Variants in GBE1 observed in about 807,000 individuals in gnomAD.
The protein encoded by GBE1 is 1,4-alpha-glucan-branching enzyme.
GBE1 carries 70 observed loss-of-function variants against 88.8 expected under a neutral mutation model. The observed-to-expected ratio is 0.79, with a 90% CI of 0.65 to 0.96. GBE1 has a LOEUF of 0.96. Ranked by LOEUF, GBE1 falls within the 40% of genes least tolerant of loss-of-function variation. GBE1 has a pLI of 0.00. For missense variants in GBE1, 872 were observed against 871.0 expected (o/e 1.00, Z -0.01); for synonymous variants, 284 against 300.1 (o/e 0.95, Z 0.56).
At chr3:81,573,129 C>T (rs1466867702) in intron 12 of GBE1, among the ~76,000 whole-genome samples, 2 of 151,996 alleles carry the variant, frequency 1.3e-5, no homozygotes, top group African/African-American at 2.4e-5. Context: ...ACCATTAATA[C>T]TAGTTCTAAC....
intron 14 of GBE1, among the ~76,000 whole-genome samples, chr3:81,513,715 C>A (rs1373382873): frequency 6.6e-6 from 1 of 151,640 alleles, no homozygotes; most frequent in Non-Finnish European, 1.5e-5. Flanking sequence ...GTAAGGATGT[C>A]CATTACCCTT....
chr3:81,681,726 T>A (rs1345104747), intron 2 of GBE1, among the ~76,000 whole-genome samples: 1 of 152,200 alleles, frequency 6.6e-6, no homozygotes, highest in East Asian at 1.9e-4. Flanking sequence ...TTCTTTAGTC[T>A]TTAAAACCAA....
At chr3:81,543,607 GT>G (rs1027738062) in intron 12 of GBE1, among the ~76,000 whole-genome samples, 18 of 152,076 alleles carry the variant, frequency 1.2e-4, no homozygotes, top group African/African-American at 4.3e-4. Flanking sequence ...ATTAAAACAA[GT>G]TAAGAATGTC....
chr3:81,698,168 G>C (rs938580951), intron 2 of GBE1, among the ~76,000 whole-genome samples: 1 of 151,170 alleles, frequency 6.6e-6, no homozygotes, highest in Non-Finnish European at 1.5e-5. Flanking sequence ...ATCCCATTAG[G>C]CATTATAGCA....
At chr3:81,563,253 A>G (rs184431146) in intron 12 of GBE1, among the ~76,000 whole-genome samples, 2 of 152,276 alleles carry the variant, frequency 1.3e-5, no homozygotes, top group Admixed American at 6.5e-5. Flanking sequence ...AAAGTGTGCT[A>G]AGTGGCTGTG....
chr3:81,528,434 G>A (rs1702974395), intron 14 of GBE1, among the ~76,000 whole-genome samples: 1 of 151,996 alleles, frequency 6.6e-6, no homozygotes, highest in African/African-American at 2.4e-5. Flanking sequence ...TCCATGAGCT[G>A]AGGAGAACTT....
intron 12 of GBE1, among the ~76,000 whole-genome samples, chr3:81,567,005 T>C (rs529042120): frequency 1.8e-4 from 28 of 152,308 alleles, no homozygotes; most frequent in African/African-American, 6.5e-4. Context: ...ACTGCTATCT[T>C]ATTTATCTGC....
In GBE1 at chr3:81,535,273, G is replaced by C. The variant is rs1044367200; in HGVS notation, c.1856C>G (p.Ala619Gly). ...EGNKIIAFERAGLLFIFNFHP... is the reference protein window; with the variant it reads ...EGNKIIAFERGGLLFIFNFHP... ...GAAGTTGAAAATGAAAAGAAGACCT[G>C]CTCTTTCAAAAGCAATGATCTTATT... The change falls in exon 14 of 16, where the codon GCA (alanine) becomes GGA (glycine). Residue 619 changes from alanine (A) to glycine (G), a missense_variant. Ala to Gly is a moderately conservative substitution (Grantham distance 60). Transcript: ENST00000429644. The C allele has an allele frequency of 6.2e-7, 1 of 1,610,978 alleles. No homozygotes were observed. Among genetic ancestry groups the C allele is most frequent in the Non-Finnish European group, 8.5e-7 (1 of 1,178,342 alleles).
intron 1 of GBE1, among the ~76,000 whole-genome samples, chr3:81,710,392 G>C (rs144671054): frequency 6.7e-6 from 1 of 150,256 alleles, no homozygotes; most frequent in African/African-American, 2.4e-5. Flanking sequence ...CCACCACCAC[G>C]CCCGGCTTAT....
rs570805770 is a variant in GBE1, at chr3:81,567,288, T to C, written c.1618+10637A>G. 1.2e-4 allele frequency among the ~76,000 whole-genome samples: 19 copies of C among 152,344 alleles called. No homozygotes were observed. The South Asian group carries it at 2.3e-3, about 18-fold the overall frequency. ...TGTCTTCTTTTTTCCCTATCATTCCTTCTCAGTCTGCTTTTATGCCTTCTC... is the reference window on the plus strand; with the variant it reads ...TGTCTTCTTTTTTCCCTATCATTCCCTCTCAGTCTGCTTTTATGCCTTCTC... On this transcript the variant is annotated intron_variant, in intron 12 of 15. Coordinates refer to ENST00000429644, the MANE Select transcript of GBE1 (RefSeq NM_000158.4).
chr3:81,648,223 T>A (rs1369292327), intron 5 of GBE1, among the ~76,000 whole-genome samples: 1 of 152,102 alleles, frequency 6.6e-6, no homozygotes, highest in Non-Finnish European at 1.5e-5. Context: ...GAAGCAGGTG[T>A]TAAATATACT....
intron 7 of GBE1, among the ~76,000 whole-genome samples, chr3:81,628,964 T>C (rs1011661186): frequency 4.0e-5 from 6 of 149,830 alleles, no homozygotes; most frequent in African/African-American, 1.5e-4. Context: ...TTACTGGTAG[T>C]TGTATAAAAC....
At chr3:81,640,136 T>C (rs374857976) in intron 7 of GBE1, among the ~76,000 whole-genome samples, 1 of 152,184 alleles carries the variant, frequency 6.6e-6, no homozygotes, top group East Asian at 1.9e-4. Context: ...TCATGACTAA[T>C]TGTGATGGTT....
At chr3:81,747,623 G>C (rs141798753) in intron 1 of GBE1, among the ~76,000 whole-genome samples, 310 of 152,324 alleles carry the variant, frequency 2.0e-3, no homozygotes, top group Middle Eastern at 0.014. Context: ...CAGATGGCCT[G>C]AAGTAACTGA....
chr3:81,500,582 G>A (rs559086439), intron 14 of GBE1, among the ~76,000 whole-genome samples: 2 of 152,226 alleles, frequency 1.3e-5, no homozygotes, highest in African/African-American at 2.4e-5. Context: ...GGTTCACAAC[G>A]TAGGCTTTTG....
chr3:81,699,544 G>T (rs1488920316), intron 2 of GBE1, among the ~76,000 whole-genome samples: 1 of 152,020 alleles, frequency 6.6e-6, no homozygotes, highest in Non-Finnish European at 1.5e-5. Context: ...ACAATAGGCC[G>T]TCTGCAAGCT....
chr3:81,586,444 A>C (rs1318121545), intron 9 of GBE1, among the ~76,000 whole-genome samples: 1 of 152,186 alleles, frequency 6.6e-6, no homozygotes, highest in Non-Finnish European at 1.5e-5. Flanking sequence ...GAGAACACAA[A>C]ATAGCAAAAC....
chr3:81,545,919 G>A (rs1254633934), intron 12 of GBE1, among the ~76,000 whole-genome samples: 2 of 151,924 alleles, frequency 1.3e-5, no homozygotes, highest in East Asian at 1.9e-4. Flanking sequence ...GTTACCAAAC[G>A]GACTGCCATG....
At chr3:81,545,129 T>C (rs1025645076) in intron 12 of GBE1, among the ~76,000 whole-genome samples, 1 of 152,206 alleles carries the variant, frequency 6.6e-6, no homozygotes. Flanking sequence ...AATGAAATTC[T>C]TTGGCTTTTC....
Sources: gnomAD v4.1 joint callset for allele counts (sites outside exome capture counted in the v4.1 genomes callset) on GRCh38, gnomAD v4.1.1 for gene constraint, MANE v1.5 for transcripts, NCBI Gene and HGNC (gene_info 2026-07-23, HGNC 2026-07-21) for gene names.